Variants in GLB1 observed in about 807,000 individuals in gnomAD.
GLB1 encodes the protein beta-galactosidase.
GLB1 carries 56 observed loss-of-function variants against 74.0 expected under a neutral mutation model. The observed-to-expected ratio is 0.76, with a 90% CI of 0.61 to 0.94. GLB1 has a LOEUF of 0.94. Among genes scored for constraint, GLB1 ranks in the 40% least tolerant of loss-of-function variants. The pLI is 0.00. For synonymous variants in GLB1, 323 were observed against 323.6 expected (o/e 1.00, Z 0.02); for missense variants, 787 against 845.5 (o/e 0.93, Z 0.86).
intron 11 of GLB1, among the ~76,000 whole-genome samples, 170 bp from the exon 12 acceptor site, chr3:33,021,825 C>T (rs1697498350): frequency 6.6e-6 from 1 of 152,120 alleles, no homozygotes; most frequent in Admixed American, 6.5e-5. Context: ...TCAGTCCTCT[C>T]CATCTACTCC....
the GLB1 span, among the ~76,000 whole-genome samples, chr3:32,968,044 T>TC: frequency 6.6e-6 from 1 of 152,170 alleles, no homozygotes; most frequent in Non-Finnish European, 1.5e-5. Context: ...TGGATGAACT[T>TC]CGTGTCCCCA....
chr3:33,047,463 C>A (rs1177124383), intron 9 of GLB1, among the ~76,000 whole-genome samples: 4 of 152,336 alleles, frequency 2.6e-5, no homozygotes, highest in Non-Finnish European at 5.9e-5. Context: ...AACTGCATTT[C>A]TAACAGGTGT....
chr3:32,997,374 C>T (rs921972147), intron 15 of GLB1, 30 bp from the exon 16 acceptor site: 2 of 1,611,404 alleles, frequency 1.2e-6, no homozygotes, highest in Admixed American at 1.7e-5. Flanking sequence ...GAACCATCAA[C>T]CCCAGATGCA....
intron 1 of GLB1, among the ~76,000 whole-genome samples, chr3:33,076,520 C>T (rs1409456241): frequency 2.0e-5 from 3 of 152,104 alleles, no homozygotes; most frequent in Admixed American, 1.3e-4. Flanking sequence ...CTATGGCCCA[C>T]GGTGGTGACA....
intron 1 of GLB1, chr3:33,077,351 C>A (rs1449373038): frequency 6.8e-7 from 1 of 1,467,486 alleles, no homozygotes; most frequent in Non-Finnish European, 9.4e-7. Flanking sequence ...CTGTTGTGAA[C>A]GATAGGGATG....
At chr3:32,977,987 C>T in the GLB1 span, among the ~76,000 whole-genome samples, 2 of 152,154 alleles carry the variant, frequency 1.3e-5, no homozygotes, top group Admixed American at 1.3e-4. Context: ...AAAGCAGGGG[C>T]ATTTCTCTTC....
chr3:32,964,081 C>A, the GLB1 span, among the ~76,000 whole-genome samples: 4 of 152,156 alleles, frequency 2.6e-5, no homozygotes, highest in Admixed American at 2.0e-4. Flanking sequence ...GAGATAGGTA[C>A]AAGATAGCAT....
At chr3:33,005,547 T>C (rs1210851518) in intron 15 of GLB1, among the ~76,000 whole-genome samples, 1 of 152,158 alleles carries the variant, frequency 6.6e-6, no homozygotes, top group East Asian at 1.9e-4. Flanking sequence ...TTTTACATAC[T>C]CTTTTCTGGC....
chr3:33,053,263 G>A (rs941049390), intron 7 of GLB1, among the ~76,000 whole-genome samples: 3 of 152,140 alleles, frequency 2.0e-5, no homozygotes, highest in African/African-American at 4.8e-5. Flanking sequence ...TGTGTAACAG[G>A]CCATTCATGT....
chr3:32,973,622 A>G, the GLB1 span, among the ~76,000 whole-genome samples: 1 of 152,134 alleles, frequency 6.6e-6, no homozygotes, highest in Non-Finnish European at 1.5e-5. Context: ...CTGGGATTAC[A>G]GGCATGAGCC....
the GLB1 span, among the ~76,000 whole-genome samples, chr3:32,978,472 A>C: frequency 6.6e-6 from 1 of 152,174 alleles, no homozygotes; most frequent in Non-Finnish European, 1.5e-5. Flanking sequence ...AGAGGGATTC[A>C]TGGGACTCTG....
intron 10 of GLB1, chr3:33,030,888 G>T: frequency 1.1e-6 from 1 of 898,948 alleles, no homozygotes; most frequent in Non-Finnish European, 1.3e-6. Flanking sequence ...ACTCACCACT[G>T]CCCCTCTCAG....
At chr3:33,052,144 C>G (rs1027717058) in intron 7 of GLB1, 140 bp from the exon 8 acceptor site, 70 of 1,436,500 alleles carry the variant, frequency 4.9e-5, no homozygotes, top group Non-Finnish European at 6.2e-5. Context: ...AGACGCCCCC[C>G]AGTGAGCACT....
Position 33,058,077 on chromosome 3 carries a change from A to G in GLB1, c.733+12T>C. On this transcript the variant is annotated intron_variant, in intron 6 of 15. Transcript: ENST00000307363. ...ATTTTAAGCTGCAATTTCTGTTACT[A>G]CAAACACCAACCTGTTCCAAAGTCC... 2.5e-6 allele frequency: 4 copies of G among 1,613,146 alleles called. No individual in the cohort carries two copies. Among genetic ancestry groups the G allele is most frequent in the Non-Finnish European group, 2.5e-6 (3 of 1,180,006 alleles).
At chr3:33,051,653 TA>T (rs1273508368) in intron 9 of GLB1, 104 bp downstream of exon 9, 2 of 1,447,078 alleles carry the variant, frequency 1.4e-6, no homozygotes, top group Non-Finnish European at 1.9e-6. Flanking sequence ...TAGGAGAGGA[TA>T]AACAAAAAAA....
At chr3:33,057,608 G>C (rs1019803793) in intron 6 of GLB1, among the ~76,000 whole-genome samples, 23 of 152,202 alleles carry the variant, frequency 1.5e-4, no homozygotes, top group Non-Finnish European at 1.6e-4. Flanking sequence ...AAGTTATGCA[G>C]AAAGACAACA....
At chr3:32,987,131 C>G in the GLB1 span, among the ~76,000 whole-genome samples, 1 of 152,174 alleles carries the variant, frequency 6.6e-6, no homozygotes, top group East Asian at 1.9e-4. Context: ...ACAACTAGTC[C>G]TCCCCTCCCA....
intron 9 of GLB1, among the ~76,000 whole-genome samples, chr3:33,049,509 T>A (rs913291726): frequency 2.0e-5 from 3 of 152,100 alleles, no homozygotes; most frequent in Admixed American, 6.5e-5. Context: ...CTCCACCACC[T>A]GGGTTCAAGT....
chr3:33,055,426 A>G (rs565459784), intron 6 of GLB1, among the ~76,000 whole-genome samples: 6 of 151,870 alleles, frequency 4.0e-5, no homozygotes, highest in African/African-American at 1.4e-4. Flanking sequence ...GGTTGGTGCA[A>G]AAGTAATTGT....
Sources: allele counts gnomAD v4.1 joint callset (sites outside exome capture counted in the v4.1 genomes callset), GRCh38; gene constraint gnomAD v4.1.1; transcripts MANE v1.5; gene names NCBI Gene and HGNC (gene_info 2026-07-23, HGNC 2026-07-21).